ZYG11B: variants seen among roughly 807,000 people sequenced by gnomAD.
The protein encoded by ZYG11B is protein zyg-11 homolog B.
In ZYG11B, 36 loss-of-function variants were observed where a neutral mutation model predicts 82.4. The ratio of observed to expected loss-of-function variants is 0.44; its 90% CI spans 0.33 to 0.58. The LOEUF (loss-of-function observed/expected upper bound fraction) is 0.58. ZYG11B is among the 20% of genes least tolerant of loss of function. ZYG11B has a pLI of 0.02. For missense variants in ZYG11B, 552 were observed against 895.6 expected (o/e 0.62, Z 4.90); for synonymous variants, 303 against 312.8 (o/e 0.97, Z 0.33).
intron 1 of ZYG11B, among the ~76,000 whole-genome samples, chr1:52,739,713 C>T (rs1644408804): frequency 6.6e-6 from 1 of 152,010 alleles, no homozygotes; most frequent in African/African-American, 2.4e-5. Context: ...CCTCTGCCTC[C>T]CAGGTTCAAG....
Position 52,779,845 on chromosome 1 carries a change from G to A in ZYG11B, c.952-8G>A, listed in dbSNP as rs184697043. The stretch of plus-strand genomic sequence containing the variant: ...GAATTCTAAAAGCTAATCTGGTTAT[G>A]TTCACAGGTGTCTGGGGAAGCCAAT... On this transcript the variant is annotated splice_region_variant and splice_polypyrimidine_tract_variant and intron_variant, in intron 3 of 13. Coordinates refer to ENST00000294353, the MANE Select transcript of ZYG11B (RefSeq NM_024646.3). The A allele has an allele frequency of 4.3e-6, 7 of 1,613,216 alleles. No homozygotes were observed. In the Admixed American group the frequency reaches 8.4e-5, roughly 19 times the overall value.
intron 3 of ZYG11B, among the ~76,000 whole-genome samples, chr1:52,777,825 T>C (rs1375066264): frequency 2.0e-5 from 3 of 152,224 alleles, no homozygotes; most frequent in African/African-American, 7.2e-5. Flanking sequence ...CACTGTATAA[T>C]GTTACTGCCA....
chr1:52,808,208 A>G (rs1016933925), intron 10 of ZYG11B, among the ~76,000 whole-genome samples: 2 of 152,066 alleles, frequency 1.3e-5, no homozygotes, highest in African/African-American at 4.8e-5. Flanking sequence ...TCTCAAAATA[A>G]CAGAAATTAG....
rs1213163255 is a variant in ZYG11B, at chr1:52,823,899, G to A, written c.*2270G>A. 1 of 152,228 alleles carries A rather than the reference G, an allele frequency of 6.6e-6. No individual in the cohort carries two copies. The highest frequency in any genetic ancestry group is 1.5e-5 in the Non-Finnish European group (1 of 68,062). The allele number at this position is 152,228 out of a possible 1,614,324, so 9.4% of individuals were successfully genotyped here. A position where few individuals can be genotyped will look rare whatever the true frequency, so the allele number is the denominator to read the frequency against. On this transcript the variant is annotated 3_prime_UTR_variant, in exon 14 of 14. Transcript: ENST00000294353. ...TAATCCCAGCATTCTGGGAGGCCGAGGCGGGCAGATCACTTGAGATCAGGA... is the reference window on the plus strand; with the variant it reads ...TAATCCCAGCATTCTGGGAGGCCGAAGCGGGCAGATCACTTGAGATCAGGA...
Position 52,813,902 on chromosome 1 carries a change from G to C in ZYG11B, c.1936G>C (p.Val646Leu). 1 of 1,614,038 alleles carries C rather than the reference G, an allele frequency of 6.2e-7. No individual in the cohort carries two copies. The highest frequency in any genetic ancestry group is 8.5e-7 in the Non-Finnish European group (1 of 1,180,006). Residue 646 changes from valine to leucine, a missense_variant, in exon 12 of 14, where the codon GTA (valine) becomes CTA (leucine). Val to Leu is a conservative substitution (Grantham distance 32). Transcript: ENST00000294353. ...ATGGCCAACTCCAGAGTGTGAGATGGTAGCATACAGGTAATTAGTATCATA... is the reference window on the plus strand; with the variant it reads ...ATGGCCAACTCCAGAGTGTGAGATGCTAGCATACAGGTAATTAGTATCATA... ...LKWPTPECEM[V>L]AYRSFNPFFP...
At chr1:52,800,700 T>C (rs561985106) in intron 8 of ZYG11B, among the ~76,000 whole-genome samples, 13 of 152,094 alleles carry the variant, frequency 8.5e-5, no homozygotes, top group African/African-American at 3.1e-4. Context: ...TCCCAGCTAC[T>C]TGGGAGGCTG....
intron 10 of ZYG11B, 100 bp downstream of exon 10, chr1:52,802,239 C>G: frequency 8.8e-7 from 1 of 1,130,046 alleles, no homozygotes; most frequent in Non-Finnish European, 1.3e-6. Flanking sequence ...GTATCATAGC[C>G]CCTTATCTAA....
rs1199349362 is a variant in ZYG11B at position 52,732,893 on chromosome 1, G to A, written c.30+6210G>A. Among the ~76,000 whole-genome samples the A allele has an allele frequency of 2.0e-5, 3 of 152,026 alleles. No individual in the cohort carries two copies. The East Asian group carries it at 5.8e-4, about 29-fold the overall frequency. The stretch of plus-strand genomic sequence containing the variant: ...GGAGGCTGAGGCAGGAGAATCACTT[G>A]AACCCGGGGGGCGCGGAGGTTGCAG... On this transcript the variant is annotated intron_variant, in intron 1 of 13. Coordinates refer to ENST00000294353, the MANE Select transcript of ZYG11B (RefSeq NM_024646.3).
At chr1:52,798,467 C>T (rs1022101416) in intron 8 of ZYG11B, among the ~76,000 whole-genome samples, 1 of 151,934 alleles carries the variant, frequency 6.6e-6, no homozygotes. Flanking sequence ...AAAAATTAGC[C>T]AGCCATGGTA....
chr1:52,797,033 ATATATATAAATTTT>A (rs1645020073), intron 8 of ZYG11B, among the ~76,000 whole-genome samples: 1 of 93,706 alleles, frequency 1.1e-5, no homozygotes, highest in African/African-American at 4.7e-5. Context: ...ATATAAATTT[ATATATATAAATTTT>A]TATATATTAT....
intron 1 of ZYG11B, among the ~76,000 whole-genome samples, chr1:52,747,807 T>G (rs923454004): frequency 1.3e-5 from 2 of 152,192 alleles, no homozygotes; most frequent in Non-Finnish European, 2.9e-5. Context: ...GATTTAACTC[T>G]AGAGTCAGAT....
rs979117338 is a variant in ZYG11B, at chr1:52,816,426, A to G, written c.1947-106A>G. 12 of 739,380 alleles carry G rather than the reference A, an allele frequency of 1.6e-5. No homozygotes were observed. In the African/African-American group the frequency reaches 2.0e-4, roughly 12 times the overall value. 45.8% of individuals were successfully genotyped at this position (739,380 alleles called of 1,614,324 possible). On this transcript the variant is annotated intron_variant, in intron 12 of 13. Coordinates refer to ENST00000294353, the MANE Select transcript of ZYG11B (RefSeq NM_024646.3). ...CTATAGCTCATTTATATTAGTCTAA[A>G]TATAATAGGATAAAATTTTGAAAAT...
At position 52,757,118 on chromosome 1, in the gene ZYG11B, G is replaced by T. The variant is rs568311945; in HGVS notation, c.196+495G>T. ...GAGTACAGTAGCACAAAACTCCTGG[G>T]CTCATGTGATCCTCCTGGTTCAGCT... On this transcript the variant is annotated intron_variant, in intron 2 of 13. Transcript: ENST00000294353. Among the ~76,000 whole-genome samples the T allele has an allele frequency of 9.2e-5, 14 of 151,952 alleles. No individual in the cohort carries two copies. The South Asian group carries it at 2.5e-3, about 27-fold the overall frequency.
chr1:52,801,204 C>T (rs909935222), intron 8 of ZYG11B, among the ~76,000 whole-genome samples: 3 of 152,078 alleles, frequency 2.0e-5, no homozygotes, highest in Admixed American at 1.3e-4. Flanking sequence ...GCAGCATCTG[C>T]TCTCAGGGAA....
intron 1 of ZYG11B, among the ~76,000 whole-genome samples, chr1:52,744,979 G>C (rs1644464548): frequency 6.6e-6 from 1 of 152,132 alleles, no homozygotes; most frequent in African/African-American, 2.4e-5. Flanking sequence ...AATATGCTTT[G>C]TTTACTGTAA....
intron 6 of ZYG11B, among the ~76,000 whole-genome samples, chr1:52,793,702 G>A (rs1644978091): frequency 6.6e-6 from 1 of 152,144 alleles, no homozygotes; most frequent in Admixed American, 6.5e-5. Flanking sequence ...CCTCATACTT[G>A]TGGGCATGTG....
chr1:52,814,177 C>T (rs1266034424), intron 12 of ZYG11B, among the ~76,000 whole-genome samples: 1 of 152,108 alleles, frequency 6.6e-6, no homozygotes, highest in East Asian at 1.9e-4. Context: ...CCCACGACCA[C>T]GCCCCGCTAA....
At chr1:52,726,918 C>G (rs1394347072) in intron 1 of ZYG11B, among the ~76,000 whole-genome samples, 1 of 152,066 alleles carries the variant, frequency 6.6e-6, no homozygotes, top group African/African-American at 2.4e-5. Context: ...CCGATGACAT[C>G]CTTTTTATCA....
Position 52,824,877 on chromosome 1 carries a change from C to T in ZYG11B, c.*3248C>T, listed in dbSNP as rs1645312137. The T allele has an allele frequency of 6.6e-6, 1 of 152,018 alleles. No individual in the cohort carries two copies. The allele number at this position is 152,018 out of a possible 1,614,324, so 9.4% of individuals were successfully genotyped here. Reference sequence around the variant, plus strand: ...TTTGCACCTGTAGACTAGAATATAACTGTTATTGGTGCCTTTGAGTGTTAT... The same window carrying T: ...TTTGCACCTGTAGACTAGAATATAATTGTTATTGGTGCCTTTGAGTGTTAT... On this transcript the variant is annotated 3_prime_UTR_variant, in exon 14 of 14. Transcript: ENST00000294353.
Sources: gnomAD v4.1 joint callset for allele counts (sites outside exome capture counted in the v4.1 genomes callset) on GRCh38, gnomAD v4.1.1 for gene constraint, MANE v1.5 for transcripts, NCBI Gene and HGNC (gene_info 2026-07-23, HGNC 2026-07-21) for gene names.